The following STARD3NL variants were observed in gnomAD, a reference collection of about 807,000 sequenced individuals.
STARD3NL encodes the protein STARD3 N-terminal like.
STARD3NL carries 17 observed loss-of-function variants against 30.9 expected under a neutral mutation model. The observed-to-expected ratio is 0.55, with a 90% confidence interval of 0.38 to 0.82. The LOEUF (loss-of-function observed/expected upper bound fraction) is 0.82. STARD3NL is among the 40% of genes least tolerant of loss of function. The pLI, the probability that STARD3NL is intolerant of heterozygous loss-of-function variation, is 0.00. For synonymous variants in STARD3NL, 112 were observed against 100.5 expected (o/e 1.11, Z -0.69); for missense variants, 234 against 277.6 (o/e 0.84, Z 1.12).
intron 7 of STARD3NL, among the ~76,000 whole-genome samples, chr7:38,225,685 T>G (rs1406271467): frequency 6.7e-6 from 1 of 150,064 alleles, no homozygotes; most frequent in East Asian, 2.0e-4. Flanking sequence ...TTAATTCTGC[T>G]TTCTTAAGGT....
intron 1 of STARD3NL, among the ~76,000 whole-genome samples, chr7:38,179,435 A>G (rs564015917): frequency 5.9e-5 from 9 of 152,346 alleles, no homozygotes; most frequent in Admixed American, 5.2e-4. Flanking sequence ...GGTCTTTTAA[A>G]ACTGCATTAT....
At position 38,214,435 on chromosome 7, in the gene STARD3NL, G is replaced by C; in HGVS notation, c.303+1G>C. On this transcript the variant is annotated splice_donor_variant, in intron 3 of 8. Coordinates refer to ENST00000009041, the MANE Select transcript of STARD3NL (RefSeq NM_032016.4). LOFTEE classifies it high-confidence loss of function. ...CTATTCTTCATATTTTGATATATTTGTAAGTATTTTTTATGTTTCATTTCA... is the reference window on the plus strand; with the variant it reads ...CTATTCTTCATATTTTGATATATTTCTAAGTATTTTTTATGTTTCATTTCA... The C allele has an allele frequency of 6.4e-7, 1 of 1,574,420 alleles. No individual in the cohort carries two copies. Among genetic ancestry groups the C allele is most frequent in the Non-Finnish European group, 8.7e-7 (1 of 1,147,964 alleles).
intron 7 of STARD3NL, among the ~76,000 whole-genome samples, chr7:38,220,783 A>T (rs960746291): frequency 4.6e-5 from 7 of 152,354 alleles, no homozygotes; most frequent in South Asian, 4.1e-4. Context: ...ATGTATGTAC[A>T]TCCAATGGAA....
At chr7:38,201,387 A>G (rs1218629195) in intron 1 of STARD3NL, among the ~76,000 whole-genome samples, 1 of 152,074 alleles carries the variant, frequency 6.6e-6, no homozygotes, top group Non-Finnish European at 1.5e-5. Context: ...CATTTCTGAG[A>G]TTGATACGTT....
intron 1 of STARD3NL, among the ~76,000 whole-genome samples, chr7:38,199,737 G>C (rs1396626363): frequency 6.6e-6 from 1 of 152,214 alleles, no homozygotes; most frequent in Non-Finnish European, 1.5e-5. Context: ...AGTAGAAAGT[G>C]GCTGTAAGGA....
intron 1 of STARD3NL, among the ~76,000 whole-genome samples, chr7:38,197,123 A>G (rs1308716256): frequency 8.0e-6 from 1 of 125,232 alleles, no homozygotes. Context: ...ATCCTGTGAG[A>G]TAGCATTACC....
intron 1 of STARD3NL, among the ~76,000 whole-genome samples, chr7:38,203,788 A>G (rs1462770505): frequency 6.6e-6 from 1 of 152,232 alleles, no homozygotes; most frequent in Non-Finnish European, 1.5e-5. Flanking sequence ...AGGAAGATCA[A>G]CCAAGCAAAT....
chr7:38,189,268 T>G (rs1369216870), intron 1 of STARD3NL, among the ~76,000 whole-genome samples: 1 of 152,220 alleles, frequency 6.6e-6, no homozygotes, highest in Admixed American at 6.5e-5. Context: ...AAATAAAGAT[T>G]AAGAATAACA....
intron 1 of STARD3NL, among the ~76,000 whole-genome samples, chr7:38,184,635 A>C (rs1473946743): frequency 1.4e-5 from 2 of 146,480 alleles, no homozygotes; most frequent in East Asian, 2.0e-4. Flanking sequence ...GATATATACT[A>C]TATATAGTAT....
intron 2 of STARD3NL, among the ~76,000 whole-genome samples, chr7:38,209,307 A>C (rs550362000): frequency 9.2e-5 from 14 of 151,922 alleles, no homozygotes; most frequent in African/African-American, 3.4e-4. Context: ...TTTTTGAGAC[A>C]GAGTCTTGCT....
chr7:38,178,884 A>C (rs369944953), intron 1 of STARD3NL, among the ~76,000 whole-genome samples: 48 of 151,326 alleles, frequency 3.2e-4, no homozygotes, highest in East Asian at 3.1e-3. Flanking sequence ...AAAAAGAAAG[A>C]AAGCACGAAT....
chr7:38,214,369 A>G lies in STARD3NL; in HGVS notation c.238A>G (p.Ile80Val). Residue 80 changes from isoleucine (I) to valine (V), a missense_variant, in exon 3 of 9, where the codon ATT becomes GTT. Transcript: ENST00000009041. The part of the protein sequence containing the change: ...WIIELNVNGG[I>V]ENTLEKEVMQ... The stretch of plus-strand genomic sequence containing the variant: ...CTCTCCTTTCTAGGTGAATGGAGGC[A>G]TTGAGAACACATTAGAGAAGGAGGT... The G allele has an allele frequency of 6.2e-7, 1 of 1,605,724 alleles. No homozygotes were observed. The highest frequency in any genetic ancestry group is 8.5e-7 in the Non-Finnish European group (1 of 1,173,808).
At chr7:38,197,508 T>C (rs1208630617) in intron 1 of STARD3NL, among the ~76,000 whole-genome samples, 1 of 152,190 alleles carries the variant, frequency 6.6e-6, no homozygotes, top group African/African-American at 2.4e-5. Flanking sequence ...CAGCCACTTG[T>C]TTCTTTTTTT....
At chr7:38,205,311 G>A (rs1461060147) in intron 1 of STARD3NL, among the ~76,000 whole-genome samples, 4 of 152,172 alleles carry the variant, frequency 2.6e-5, no homozygotes, top group Non-Finnish European at 5.9e-5. Context: ...CTTCATCCCT[G>A]GGATGCAAGG....
chr7:38,201,689 T>G lies in STARD3NL; in HGVS notation c.-58-5758T>G, dbSNP rs548098432. On this transcript the variant is annotated intron_variant, in intron 1 of 8. Transcript: ENST00000009041. The stretch of plus-strand genomic sequence containing the variant: ...TATTCATTCATCCAGATTTCTTTTT[T>G]TTTGTTTGTTTTGTTTTGAGACAGG... 428 of 148,808 alleles carry G rather than the reference T, an allele frequency of 2.9e-3. 4 individuals carry two copies. The highest frequency in any genetic ancestry group is 4.9e-3 in the Non-Finnish European group (328 of 66,678). The allele number at this position is 148,808 out of a possible 1,614,324, so 9.2% of individuals were successfully genotyped here. A position where few individuals can be genotyped will look rare whatever the true frequency, so the allele number is the denominator to read the frequency against.
intron 1 of STARD3NL, among the ~76,000 whole-genome samples, chr7:38,182,378 C>A (rs1008408988): frequency 6.6e-6 from 1 of 152,132 alleles, no homozygotes; most frequent in Non-Finnish European, 1.5e-5. Context: ...AATCAGTGTT[C>A]TCTGTGTTTA....
intron 1 of STARD3NL, 70 bp from the exon 2 acceptor site, chr7:38,207,377 T>C (rs995851891): frequency 1.2e-5 from 8 of 688,924 alleles, no homozygotes; most frequent in Non-Finnish European, 1.7e-5. Flanking sequence ...AGTTGCACAG[T>C]GGAGAGGGTT....
In STARD3NL at chr7:38,228,891, C is replaced by T; in HGVS notation, c.*17+20C>T. On this transcript the variant is annotated intron_variant, in intron 8 of 8. Coordinates refer to ENST00000009041, the MANE Select transcript of STARD3NL (RefSeq NM_032016.4). ...GTTAAAGTAAGTGTTTGAAATGAAA[C>T]CATAACAACAAAGTAGTTAAGTATG... 6.4e-7 allele frequency: 1 copy of T among 1,554,698 alleles called. No homozygotes were observed. Among genetic ancestry groups the T allele is most frequent in the Non-Finnish European group, 8.9e-7 (1 of 1,129,694 alleles).
rs143187684 is a variant in STARD3NL, at chr7:38,207,371, G to T, written c.-58-76G>T. The T allele has an allele frequency of 7.5e-4, 496 of 660,166 alleles. 5 individuals carry two copies. The African/African-American group carries it at 8.2e-3, about 11-fold the overall frequency. The allele number at this position is 660,166 out of a possible 1,614,324, so 40.9% of individuals were successfully genotyped here. ...CTGTTGTTCAGTTAGAGAAATAGTT[G>T]CACAGTGGAGAGGGTTGCACAGTTA... is the stretch of plus-strand genomic sequence containing the variant. On this transcript the variant is annotated intron_variant, in intron 1 of 8. Transcript: ENST00000009041.
Sources: allele counts gnomAD v4.1 joint callset (sites outside exome capture counted in the v4.1 genomes callset), GRCh38; gene constraint gnomAD v4.1.1; transcripts MANE v1.5; gene names NCBI Gene and HGNC (gene_info 2026-07-23, HGNC 2026-07-21).